Variants in KDM5B observed in about 807,000 individuals in gnomAD.
KDM5B encodes lysine-specific demethylase 5B.
Under a neutral mutation model 193.4 loss-of-function variants are expected in KDM5B, and 144 were observed. That is an observed-to-expected ratio of 0.74 (90% confidence interval 0.65 to 0.86). The LOEUF is 0.86. Among genes scored for constraint, KDM5B ranks in the 40% least tolerant of loss-of-function variants. The probability of loss-of-function intolerance (pLI) is 0.00; values close to 1 mark genes in which losing one functional copy is unlikely to be tolerated. For synonymous variants in KDM5B, 668 were observed against 682.6 expected (o/e 0.98, Z 0.33); for missense variants, 1,833 against 1,886.9 (o/e 0.97, Z 0.53).
chr1:202,786,769 G>A (rs565151853), intron 1 of KDM5B, among the ~76,000 whole-genome samples: 9 of 152,084 alleles, frequency 5.9e-5, no homozygotes, highest in Non-Finnish European at 1.0e-4. Context: ...CATATTGGCC[G>A]GGCGTGGTGG....
intron 2 of KDM5B, among the ~76,000 whole-genome samples, chr1:202,775,141 G>A (rs2102300083): frequency 6.6e-6 from 1 of 151,930 alleles, no homozygotes; most frequent in African/African-American, 2.4e-5. Flanking sequence ...GGAGGCTGAG[G>A]CAGGAGAATT....
Position 202,762,828 on chromosome 1 carries a change from A to G in KDM5B, c.809-20T>C. The G allele has an allele frequency of 7.4e-7, 1 of 1,349,256 alleles. No homozygotes were observed. The highest frequency in any genetic ancestry group is 1.1e-6 in the Non-Finnish European group (1 of 942,130). The allele number at this position is 1,349,256 out of a possible 1,614,324, so 83.6% of individuals were successfully genotyped here. ...CTTTCTCTGTAGGAGGCAATCCAAA[A>G]TTAGCTCTTTATGATGCTTTTCTCC... On this transcript the variant is annotated intron_variant, in intron 6 of 26. Transcript: ENST00000367265.
chr1:202,735,544 C>G lies in KDM5B; in HGVS notation c.3308G>C (p.Arg1103Thr), dbSNP rs149204298. ...GGGCTCCTTTAACTTTCTCTGCTTCCTTTTCAATCCCAAAAGGCCAATATC... is the reference window on the plus strand; with the variant it reads ...GGGCTCCTTTAACTTTCTCTGCTTCGTTTTCAATCCCAAAAGGCCAATATC... ...RCDIGLLGLK[R>T]KQRKLKEPLP... The change falls in exon 22 of 27, where the codon AGG (arginine) becomes ACG (threonine). Residue 1103 changes from arginine (R) to threonine (T), a missense_variant. Physicochemically the swap from Arg to Thr is moderately conservative, Grantham distance 71 (BLOSUM62 -1). Transcript: ENST00000367265. 1.2e-6 allele frequency: 2 copies of G among 1,613,836 alleles called. No individual in the cohort carries two copies. The highest frequency in any genetic ancestry group is 2.7e-5 in the African/African-American group (2 of 74,884).
intron 5 of KDM5B, 140 bp downstream of exon 5, chr1:202,766,786 G>GA: frequency 1.1e-6 from 1 of 915,024 alleles, no homozygotes; most frequent in Non-Finnish European, 1.6e-6. Flanking sequence ...GTAAAAGCTG[G>GA]AATACAAACA....
At position 202,808,409 on chromosome 1, in the gene KDM5B, G is replaced by T; in HGVS notation, c.-104C>A. The T allele has an allele frequency of 9.3e-7, 1 of 1,079,358 alleles. No homozygotes were observed. Among genetic ancestry groups the T allele is most frequent in the Non-Finnish European group, 1.3e-6 (1 of 772,222 alleles). 66.9% of individuals were successfully genotyped at this position (1,079,358 alleles called of 1,614,324 possible). Reference sequence around the variant, plus strand: ...GCAGACGCGGCTCGAGCAACAGCAAGTCCGAGTTGTACGGGCAACGGCAGC... The same window carrying T: ...GCAGACGCGGCTCGAGCAACAGCAATTCCGAGTTGTACGGGCAACGGCAGC... On this transcript the variant is annotated 5_prime_UTR_variant, in exon 1 of 27. Coordinates refer to ENST00000367265, the MANE Select transcript of KDM5B (RefSeq NM_006618.5).
At chr1:202,753,664 G>GTTGTTTTTTTT (rs1553354252) in intron 11 of KDM5B, among the ~76,000 whole-genome samples, 1 of 105,786 alleles carries the variant, frequency 9.5e-6, no homozygotes. Flanking sequence ...TGTTGTTGTT[G>GTTGTTTTTTTT]TTTTTTTTTT....
intron 2 of KDM5B, among the ~76,000 whole-genome samples, chr1:202,775,075 C>G (rs1308445107): frequency 1.4e-5 from 2 of 142,106 alleles, no homozygotes; most frequent in Non-Finnish European, 3.0e-5. Flanking sequence ...CCCCCCATCT[C>G]TATTAACAAA....
Position 202,808,209 on chromosome 1 carries a change from G to A in KDM5B, c.97C>T (p.Pro33Ser). 1 of 1,612,896 alleles carries A rather than the reference G, an allele frequency of 6.2e-7. No homozygotes were observed. The highest frequency in any genetic ancestry group is 8.5e-7 in the Non-Finnish European group (1 of 1,179,580). Residue 33 changes from proline (P) to serine (S), a missense_variant, in exon 1 of 27, where the codon CCG becomes TCG. Transcript: ENST00000367265. ...LGEFLPPPEC[P>S]VFEPSWEEFA... ...TCTTCCCAGCTGGGTTCGAAGACCG[G>A]GCACTCGGGTGGAGGCAGGAACTCG...
At position 202,808,197 on chromosome 1, in the gene KDM5B, G is replaced by C. The variant is rs1395633386; in HGVS notation, c.109C>G (p.Pro37Ala). 6.2e-7 allele frequency: 1 copy of C among 1,612,996 alleles called. No individual in the cohort carries two copies. The highest frequency in any genetic ancestry group is 1.3e-5 in the African/African-American group (1 of 74,906). ...LPPPECPVFE[P>A]SWEEFADPFA... ...GGGTCCGCGAACTCTTCCCAGCTGG[G>C]TTCGAAGACCGGGCACTCGGGTGGA... The change falls in exon 1 of 27, where the codon CCC (proline) becomes GCC (alanine). Residue 37 changes from proline (P) to alanine (A), a missense_variant. This residue lies in a region of KDM5B where 355 missense variants were observed against 374.9 expected (regional missense o/e 0.95). Coordinates refer to ENST00000367265, the MANE Select transcript of KDM5B (RefSeq NM_006618.5).
Position 202,742,433 on chromosome 1 carries a change from C to T in KDM5B, c.2547G>A (p.Leu849=), listed in dbSNP as rs1655381495. ...GACTGAGGACACATGGAAGAGCATACAGCTGTGTTACAAACTGCCGGAGCT... is the reference window on the plus strand; with the variant it reads ...GACTGAGGACACATGGAAGAGCATATAGCTGTGTTACAAACTGCCGGAGCT... ...VNELRQFVTQ[L]YALPCVLSQT... is the part of the protein sequence containing the mutation. The change falls in exon 18 of 27, where the codon CTG becomes CTA. Residue 849 remains leucine (L), a synonymous_variant. Coordinates refer to ENST00000367265, the MANE Select transcript of KDM5B (RefSeq NM_006618.5). 1.2e-6 allele frequency: 2 copies of T among 1,614,066 alleles called. No homozygotes were observed. The highest frequency in any genetic ancestry group is 1.3e-5 in the African/African-American group (1 of 75,058).
At chr1:202,783,377 C>T (rs1352180674) in intron 1 of KDM5B, among the ~76,000 whole-genome samples, 2 of 152,006 alleles carry the variant, frequency 1.3e-5, no homozygotes, top group Middle Eastern at 3.4e-3. Context: ...TGGTGGCATG[C>T]ACCTGTAGTC....
chr1:202,788,929 ATCTG>A (rs1282172667), intron 1 of KDM5B, among the ~76,000 whole-genome samples: 1 of 152,106 alleles, frequency 6.6e-6, no homozygotes, highest in Non-Finnish European at 1.5e-5. Flanking sequence ...TCCAAAAATG[ATCTG>A]TCTGTCAGGG....
intron 1 of KDM5B, among the ~76,000 whole-genome samples, chr1:202,778,748 G>A (rs1380215479): frequency 2.6e-5 from 4 of 152,030 alleles, no homozygotes; most frequent in Non-Finnish European, 4.4e-5. Context: ...TCAGCCTCCC[G>A]AGTAGCTGGG....
At chr1:202,729,594 A>T in intron 26 of KDM5B, 113 bp downstream of exon 26, 1 of 846,440 alleles carries the variant, frequency 1.2e-6, no homozygotes, top group Non-Finnish European at 1.8e-6. Flanking sequence ...CAATCCATTC[A>T]GATCAGCTCA....
chr1:202,770,575 A>T (rs1656672130), intron 4 of KDM5B, among the ~76,000 whole-genome samples: 1 of 152,240 alleles, frequency 6.6e-6, no homozygotes. Flanking sequence ...AACATTCTAC[A>T]ATAGAAGACA....
At chr1:202,732,438 TAAGA>T (rs1654921177) in intron 23 of KDM5B, among the ~76,000 whole-genome samples, 1 of 152,178 alleles carries the variant, frequency 6.6e-6, no homozygotes, top group African/African-American at 2.4e-5. Flanking sequence ...TTCCCTTTAC[TAAGA>T]AAGGTAAACT....
At chr1:202,758,638 T>G (rs774127256) in intron 8 of KDM5B, 128 bp from the exon 9 acceptor site, 5 of 636,600 alleles carry the variant, frequency 7.9e-6, no homozygotes, top group Non-Finnish European at 1.2e-5. Context: ...AGGTCTACAT[T>G]ATAAAAATAA....
chr1:202,796,950 C>T (rs1464545830), intron 1 of KDM5B: 1 of 152,426 alleles, frequency 6.6e-6, no homozygotes, highest in African/African-American at 2.4e-5. Flanking sequence ...AGAGGTGGAT[C>T]TGTGCCAAGT....
chr1:202,754,959 A>G (rs1655948816), intron 11 of KDM5B, among the ~76,000 whole-genome samples: 1 of 152,262 alleles, frequency 6.6e-6, no homozygotes, highest in Non-Finnish European at 1.5e-5. Flanking sequence ...TGCTGGGATT[A>G]CAGGCGTGAG....
Sources: gnomAD v4.1 joint callset for allele counts (sites outside exome capture counted in the v4.1 genomes callset) on GRCh38, gnomAD v4.1.1 for gene constraint, gnomAD v4.1.1 regional missense constraint, MANE v1.5 for transcripts, NCBI Gene and HGNC (gene_info 2026-07-23, HGNC 2026-07-21) for gene names.